The following ABCC6 variants were observed in gnomAD, a reference collection of about 807,000 sequenced individuals.
ABCC6 encodes ATP binding cassette subfamily C member 6.
Under a neutral mutation model 169.5 loss-of-function variants are expected in ABCC6, and 126 were observed. The ratio of observed to expected loss-of-function variants is 0.74; its 90% CI spans 0.64 to 0.86. The LOEUF is 0.86. Ranked by LOEUF, ABCC6 falls within the 40% of genes least tolerant of loss-of-function variation. The pLI, the probability that ABCC6 is intolerant of heterozygous loss-of-function variation, is 0.00. For missense variants in ABCC6, 1,733 were observed against 1,927.2 expected (o/e 0.90, Z 1.89); for synonymous variants, 752 against 814.7 (o/e 0.92, Z 1.31).
intron 12 of ABCC6, among the ~76,000 whole-genome samples, chr16:16,189,600 T>G (rs2047773641): frequency 6.6e-6 from 1 of 152,080 alleles, no homozygotes. Flanking sequence ...GTATTTTTAG[T>G]AGAGACAGGG....
chr16:16,208,788 G>A lies in ABCC6; in HGVS notation c.734C>T (p.Ser245Leu). 2.5e-6 allele frequency: 4 copies of A among 1,613,356 alleles called. No individual in the cohort carries two copies. The highest frequency in any genetic ancestry group is 1.1e-5 in the South Asian group (1 of 91,010). Residue 245 changes from serine to leucine, a missense_variant, in exon 7 of 31, where the codon TCA becomes TTA. Coordinates refer to ENST00000205557, the MANE Select transcript of ABCC6 (RefSeq NM_001171.6). ...DLWSLGRENS[S>L]EELVSRLEKE... ...TTCAAGCCGGGAAACAAGTTCTTCT[G>A]AGGAGTTTTCTCTCCCAAGCGACCA...
intron 27 of ABCC6, 145 bp downstream of exon 27, chr16:16,157,518 C>A: frequency 1.9e-6 from 2 of 1,072,214 alleles, no homozygotes; most frequent in Non-Finnish European, 1.4e-6. Context: ...GTGAGGAGTT[C>A]ATTTTAGGGG....
At chr16:16,198,576 C>A (rs939306621) in intron 9 of ABCC6, among the ~76,000 whole-genome samples, 15 of 151,986 alleles carry the variant, frequency 9.9e-5, no homozygotes, top group Non-Finnish European at 1.8e-4. Flanking sequence ...AGGCCAGGTG[C>A]AGTGGCCTCT....
chr16:16,159,725 C>A (rs765158790), intron 25 of ABCC6, 142 bp from the exon 26 acceptor site: 3 of 738,472 alleles, frequency 4.1e-6, no homozygotes, highest in Non-Finnish European at 7.2e-6. Context: ...GTCTGAGGAC[C>A]TGGGCCCAGG....
chr16:16,169,981 G>A (rs201222472), intron 21 of ABCC6, 128 bp from the exon 22 acceptor site: 12 of 908,074 alleles, frequency 1.3e-5, no homozygotes, highest in South Asian at 2.9e-5. Flanking sequence ...AGACCTCACT[G>A]GTTCTCCCGC....
At chr16:16,208,924 C>A (rs1417420437) in intron 6 of ABCC6, 65 bp from the exon 7 acceptor site, 3 of 1,612,816 alleles carry the variant, frequency 1.9e-6, no homozygotes, top group Non-Finnish European at 2.5e-6. Context: ...CCTGGCCAGG[C>A]GAGTAGCTGT....
intron 27 of ABCC6, among the ~76,000 whole-genome samples, chr16:16,156,103 A>G (rs544569558): frequency 3.3e-5 from 5 of 152,252 alleles, no homozygotes; most frequent in African/African-American, 9.6e-5. Flanking sequence ...TTTAGTAGAC[A>G]CGGGATTTCA....
intron 20 of ABCC6, among the ~76,000 whole-genome samples, chr16:16,174,918 G>A (rs1024250281): frequency 6.6e-6 from 1 of 150,788 alleles, no homozygotes; most frequent in African/African-American, 2.4e-5. Flanking sequence ...ATGCCACCAC[G>A]CCGGCTTTTT....
intron 21 of ABCC6, 84 bp downstream of exon 21, chr16:16,173,200 C>G (rs1272207598): frequency 2.5e-6 from 4 of 1,591,608 alleles, no homozygotes; most frequent in Admixed American, 3.3e-5. Context: ...AGTATCACTG[C>G]CAAGTGCTAC....
chr16:16,214,237 A>C, intron 5 of ABCC6, 87 bp downstream of exon 5: 1 of 1,545,798 alleles, frequency 6.5e-7, no homozygotes, highest in Admixed American at 2.0e-5. Context: ...TGGCTAAATG[A>C]ATAAAAAAAT....
At chr16:16,167,455 A>G (rs1187691996) in intron 22 of ABCC6, among the ~76,000 whole-genome samples, 1 of 152,168 alleles carries the variant, frequency 6.6e-6, no homozygotes, top group Admixed American at 6.5e-5. Context: ...TGTTGCTTAA[A>G]CACTTTGAAT....
In ABCC6 at chr16:16,188,944, G is replaced by A. The variant is rs756119394; in HGVS notation, c.1666C>T (p.Leu556=). The change falls in exon 13 of 31, where the codon CTG becomes TTG. Residue 556 remains leucine (L), a synonymous_variant. Coordinates refer to ENST00000205557, the MANE Select transcript of ABCC6 (RefSeq NM_001171.6). Reference sequence around the variant, plus strand: ...GCATTCATAGCATTCTCGGCCACCAGAGTGTGGACAGCAAACACCACCAGT... The same window carrying A: ...GCATTCATAGCATTCTCGGCCACCAAAGTGTGGACAGCAAACACCACCAGT... The part of the protein sequence containing the change: ...VALVVFAVHT[L]VAENAMNAEK... 5 of 1,614,082 alleles carry A rather than the reference G, an allele frequency of 3.1e-6. No homozygotes were observed. The Admixed American group carries it at 8.3e-5, about 27-fold the overall frequency.
chr16:16,179,055 C>A, intron 17 of ABCC6, 90 bp from the exon 18 acceptor site: 1 of 1,412,476 alleles, frequency 7.1e-7, no homozygotes, highest in South Asian at 1.2e-5. Flanking sequence ...GCACACCTGC[C>A]CATCAGGGTG....
At chr16:16,213,688 G>A (rs1464634524) in intron 5 of ABCC6, among the ~76,000 whole-genome samples, 1 of 148,236 alleles carries the variant, frequency 6.7e-6, no homozygotes, top group African/African-American at 2.5e-5. Flanking sequence ...AGCCTCCCGA[G>A]TAGCTGGGAT....
At chr16:16,188,583 T>C (rs1029908899) in intron 13 of ABCC6, among the ~76,000 whole-genome samples, 10 of 152,178 alleles carry the variant, frequency 6.6e-5, no homozygotes, top group African/African-American at 1.4e-4. Context: ...CAAGTATGCA[T>C]GTTCTGAGGT....
intron 17 of ABCC6, 84 bp from the exon 18 acceptor site, chr16:16,179,049 A>G (rs1169095651): frequency 6.9e-7 from 1 of 1,456,130 alleles, no homozygotes; most frequent in East Asian, 2.4e-5. Flanking sequence ...GTCAGGGCAC[A>G]CCTGCCCATC....
intron 27 of ABCC6, among the ~76,000 whole-genome samples, chr16:16,157,243 T>C (rs1397765481): frequency 1.3e-5 from 2 of 152,150 alleles, no homozygotes; most frequent in Non-Finnish European, 2.9e-5. Context: ...TCACAACAAC[T>C]CAGAGATCAG....
intron 6 of ABCC6, among the ~76,000 whole-genome samples, chr16:16,209,341 C>T: frequency 6.6e-6 from 1 of 152,150 alleles, no homozygotes; most frequent in East Asian, 1.9e-4. Flanking sequence ...GCCTCAGCCT[C>T]CCAAAGTGCT....
intron 24 of ABCC6, 130 bp from the exon 25 acceptor site, chr16:16,161,694 A>G: frequency 8.0e-7 from 1 of 1,249,344 alleles, no homozygotes; most frequent in Non-Finnish European, 1.1e-6. Context: ...TCCACATGCA[A>G]CCCAGGCTCA....
Sources: gnomAD v4.1 joint callset for allele counts (sites outside exome capture counted in the v4.1 genomes callset) on GRCh38, gnomAD v4.1.1 for gene constraint, MANE v1.5 for transcripts, NCBI Gene and HGNC (gene_info 2026-07-23, HGNC 2026-07-21) for gene names.